The following RAD23B variants were observed in gnomAD, a reference collection of about 807,000 sequenced individuals.
The protein encoded by RAD23B is RAD23 nucleotide excision repair protein B, also known as lysine-specific demethylase RAD23B.
A neutral mutation model predicts 49.1 loss-of-function variants in RAD23B; 5 were observed. The ratio of observed to expected loss-of-function variants is 0.10; its 90% CI spans 0.05 to 0.21. RAD23B has a LOEUF of 0.21. Among genes scored for constraint, RAD23B ranks in the 10% least tolerant of loss-of-function variants. RAD23B has a pLI of 1.00. For missense variants in RAD23B, 356 were observed against 486.7 expected, an observed-to-expected ratio of 0.73 and a Z score of 2.53; for synonymous variants, 184 against 165.4, an observed-to-expected ratio of 1.11 and a Z score of -0.86.
chr9:107,283,757 C>T, intron 1 of RAD23B, 62 bp downstream of exon 1: 2 of 1,308,600 alleles, frequency 1.5e-6, no homozygotes, highest in South Asian at 2.1e-5. Flanking sequence ...GCCAGGAGCT[C>T]GTGGGGCCGG....
rs56175121 is a variant in RAD23B, at chr9:107,306,412, A to G, written c.262A>G (p.Thr88Ala). 2 of 1,614,088 alleles carry G rather than the reference A, an allele frequency of 1.2e-6. No homozygotes were observed. Among genetic ancestry groups the G allele is most frequent in the Non-Finnish European group, 1.7e-6 (2 of 1,180,008 alleles). The change falls in exon 4 of 10, where the codon ACT (threonine) becomes GCT (alanine). Residue 88 changes from threonine to alanine, a missense_variant. Thr to Ala is a moderately conservative substitution (Grantham distance 58, BLOSUM62 0). Around this residue, in one of 5 missense-constraint regions of RAD23B, gnomAD observed 137 missense variants for 122.0 expected, o/e 1.12. Coordinates refer to ENST00000358015, the MANE Select transcript of RAD23B (RefSeq NM_002874.5). ...AGTGTCCACACCAGCACCAGCTACA[A>G]CTCAGCAGTCAGCTCCTGCCAGCAC... is the stretch of plus-strand genomic sequence containing the variant. The part of the protein sequence containing the change: ...KAVSTPAPAT[T>A]QQSAPASTTA...
intron 4 of RAD23B, among the ~76,000 whole-genome samples, chr9:107,309,899 C>G (rs35865856): frequency 0.095 from 13,674 of 144,378 alleles, 829 homozygotes; most frequent in South Asian, 0.15. Flanking sequence ...CCGCTGCACT[C>G]CAGCCTGGGC....
At chr9:107,291,551 A>C (rs1833385483) in intron 1 of RAD23B, among the ~76,000 whole-genome samples, 1 of 152,160 alleles carries the variant, frequency 6.6e-6, no homozygotes. Context: ...CTCCTGTACT[A>C]AATTATTTTA....
chr9:107,302,997 G>C (rs1826689613), intron 3 of RAD23B, among the ~76,000 whole-genome samples: 1 of 152,066 alleles, frequency 6.6e-6, no homozygotes, highest in Non-Finnish European at 1.5e-5. Context: ...TTAGTAGGCT[G>C]GAATGTATTT....
chr9:107,286,904 C>G (rs900421134), intron 1 of RAD23B, among the ~76,000 whole-genome samples: 1 of 151,768 alleles, frequency 6.6e-6, no homozygotes, highest in African/African-American at 2.4e-5. Flanking sequence ...AACCCCGTCT[C>G]TACTAAAAAA....
At chr9:107,303,015 T>C (rs932614050) in intron 3 of RAD23B, among the ~76,000 whole-genome samples, 1 of 152,204 alleles carries the variant, frequency 6.6e-6, no homozygotes, top group Admixed American at 6.5e-5. Flanking sequence ...TTTGGAACAA[T>C]TTATAAAATT....
intron 9 of RAD23B, among the ~76,000 whole-genome samples, chr9:107,326,447 C>G (rs1827203718): frequency 6.9e-6 from 1 of 144,588 alleles, no homozygotes; most frequent in South Asian, 2.2e-4. Context: ...CGCCACTGCA[C>G]TCCCGCCTGG....
intron 1 of RAD23B, chr9:107,284,866 T>C (rs908509040): frequency 8.1e-7 from 1 of 1,240,390 alleles, no homozygotes. Flanking sequence ...TTTCATTCTC[T>C]GTATAATAGG....
intron 4 of RAD23B, among the ~76,000 whole-genome samples, chr9:107,311,062 A>G (rs11573677): frequency 0.011 from 1,703 of 152,248 alleles, 24 homozygotes; most frequent in African/African-American, 0.036. Flanking sequence ...GTCTTTCATA[A>G]TTTTCTGTCT....
chr9:107,302,053 A>T lies in RAD23B; in HGVS notation c.167A>T (p.Asp56Val). 1 of 1,612,920 alleles carries T rather than the reference A, an allele frequency of 6.2e-7. No homozygotes were observed. Among genetic ancestry groups the T allele is most frequent in the Non-Finnish European group, 8.5e-7 (1 of 1,179,634 alleles). ...LIYAGKILND[D>V]TALKEYKIDE... Reference sequence around the variant, plus strand: ...GTATTAGGCAAAATCCTCAATGATGATACTGCTCTCAAAGAATATAAAATT... The same window carrying T: ...GTATTAGGCAAAATCCTCAATGATGTTACTGCTCTCAAAGAATATAAAATT... The change falls in exon 3 of 10, where the codon GAT becomes GTT. Residue 56 changes from aspartate (D) to valine (V), a missense_variant. Physicochemically the swap from Asp to Val is radical, Grantham distance 152. This residue lies in a region of RAD23B where 32 missense variants were observed against 62.3 expected (regional missense o/e 0.51). Coordinates refer to ENST00000358015, the MANE Select transcript of RAD23B (RefSeq NM_002874.5).
At chr9:107,295,619 A>T (rs1826496779) in intron 1 of RAD23B, among the ~76,000 whole-genome samples, 1 of 152,222 alleles carries the variant, frequency 6.6e-6, no homozygotes, top group Non-Finnish European at 1.5e-5. Flanking sequence ...GATTTAGAGT[A>T]GAATGCAGAT....
At chr9:107,328,942 A>G (rs1827258989) in intron 9 of RAD23B, among the ~76,000 whole-genome samples, 1 of 152,220 alleles carries the variant, frequency 6.6e-6, no homozygotes, top group Admixed American at 6.5e-5. Flanking sequence ...TTAAGCAGAT[A>G]AAAATAGAAC....
Position 107,329,755 on chromosome 9 carries a change from G to A in RAD23B, c.*99G>A. ...CTTGGGCTCATATCCACAATACTTG[G>A]TATAAGGTAGTAGATTGTTGGGGGT... On this transcript the variant is annotated 3_prime_UTR_variant, in exon 10 of 10. Transcript: ENST00000358015. The A allele has an allele frequency of 2.6e-6, 1 of 382,666 alleles. No homozygotes were observed. Among genetic ancestry groups the A allele is most frequent in the Non-Finnish European group, 5.4e-6 (1 of 186,078 alleles). 23.7% of individuals were successfully genotyped at this position (382,666 alleles called of 1,614,324 possible). A position where few individuals can be genotyped will look rare whatever the true frequency, so the allele number is the denominator to read the frequency against.
At chr9:107,305,022 C>T (rs1826731856) in intron 3 of RAD23B, among the ~76,000 whole-genome samples, 1 of 152,102 alleles carries the variant, frequency 6.6e-6, no homozygotes, top group Non-Finnish European at 1.5e-5. Flanking sequence ...GGTGTGGTGG[C>T]TGATGCCTGT....
intron 1 of RAD23B, among the ~76,000 whole-genome samples, chr9:107,294,035 CT>C (rs1251263799): frequency 6.6e-6 from 1 of 152,176 alleles, no homozygotes; most frequent in Non-Finnish European, 1.5e-5. Flanking sequence ...GAAATGACTA[CT>C]TTTAATGGTT....
intron 4 of RAD23B, among the ~76,000 whole-genome samples, chr9:107,308,457 G>C (rs1294023092): frequency 6.6e-6 from 1 of 152,130 alleles, no homozygotes; most frequent in Non-Finnish European, 1.5e-5. Context: ...GACCTCAGGT[G>C]ATCTGCCCAC....
intron 3 of RAD23B, among the ~76,000 whole-genome samples, chr9:107,303,486 G>A (rs1826701355): frequency 6.6e-6 from 1 of 152,074 alleles, no homozygotes; most frequent in African/African-American, 2.4e-5. Flanking sequence ...AGAATCGTGA[G>A]GAAACCTTGT....
intron 1 of RAD23B, among the ~76,000 whole-genome samples, chr9:107,298,738 C>CT (rs1056753082): frequency 5.9e-5 from 9 of 151,358 alleles, no homozygotes; most frequent in African/African-American, 2.2e-4. Context: ...ATTATACTTA[C>CT]TTTTTTTGCA....
intron 1 of RAD23B, chr9:107,285,051 C>T: frequency 1.1e-6 from 1 of 931,780 alleles, no homozygotes; most frequent in Non-Finnish European, 1.4e-6. Context: ...TAAGAAACAG[C>T]CTTTTTGGGA....
Sources: allele counts gnomAD v4.1 joint callset (sites outside exome capture counted in the v4.1 genomes callset), GRCh38; gene constraint gnomAD v4.1.1; regional missense constraint gnomAD v4.1.1; transcripts MANE v1.5; gene names NCBI Gene and HGNC (gene_info 2026-07-23, HGNC 2026-07-21).